The following SCHIP1 variants were observed in gnomAD, a reference collection of about 807,000 sequenced individuals.
SCHIP1 encodes schwannomin interacting protein 1.
SCHIP1 carries 8 observed loss-of-function variants against 29.7 expected under a neutral mutation model. The ratio of observed to expected loss-of-function variants is 0.27; its 90% confidence interval spans 0.16 to 0.49. The LOEUF is 0.49. SCHIP1 is among the 20% of genes least tolerant of loss of function. The probability of loss-of-function intolerance (pLI) is 0.99; values close to 1 mark genes in which losing one functional copy is unlikely to be tolerated. For missense variants in SCHIP1, 193 were observed against 294.6 expected, an observed-to-expected ratio of 0.66 and a Z score of 2.52; for synonymous variants, 76 against 94.9, an observed-to-expected ratio of 0.80 and a Z score of 1.16.
chr3:159,353,406 T>A, the SCHIP1 span, among the ~76,000 whole-genome samples: 23 of 152,144 alleles, frequency 1.5e-4, no homozygotes, highest in Non-Finnish European at 2.9e-5. Context: ...GTCTAAACCC[T>A]GAAAGTTTTC....
At chr3:159,772,895 C>G in the SCHIP1 span, among the ~76,000 whole-genome samples, 1 of 152,108 alleles carries the variant, frequency 6.6e-6, no homozygotes. Context: ...TGCCAGCCAC[C>G]ATGCCCGGCT....
At chr3:159,552,147 T>C in the SCHIP1 span, among the ~76,000 whole-genome samples, 1 of 149,458 alleles carries the variant, frequency 6.7e-6, no homozygotes, top group African/African-American at 2.5e-5. Flanking sequence ...CAAGAGATTC[T>C]CCTGCCTCAG....
chr3:159,631,232 T>C, the SCHIP1 span, among the ~76,000 whole-genome samples: 4 of 150,136 alleles, frequency 2.7e-5, no homozygotes, highest in Non-Finnish European at 5.9e-5. Context: ...CCCTCATGCA[T>C]TGCAGCTGGG....
the SCHIP1 span, among the ~76,000 whole-genome samples, chr3:159,740,627 T>TA: frequency 3.7e-4 from 56 of 151,916 alleles, no homozygotes; most frequent in African/African-American, 1.3e-3. Context: ...TTCCAAGAAT[T>TA]AAAAAAGCAA....
At chr3:159,406,311 C>A in the SCHIP1 span, among the ~76,000 whole-genome samples, 1 of 152,170 alleles carries the variant, frequency 6.6e-6, no homozygotes, top group Non-Finnish European at 1.5e-5. Context: ...GAGAAGGTGG[C>A]ATGACATATT....
At chr3:159,396,417 G>C in the SCHIP1 span, among the ~76,000 whole-genome samples, 1 of 135,234 alleles carries the variant, frequency 7.4e-6, no homozygotes, top group Non-Finnish European at 1.6e-5. Flanking sequence ...TCCTAGTCTC[G>C]ATGGTCTTTA....
the SCHIP1 span, among the ~76,000 whole-genome samples, chr3:159,475,244 A>C: frequency 6.6e-6 from 1 of 152,224 alleles, no homozygotes; most frequent in Admixed American, 6.6e-5. Flanking sequence ...ATTCAGCCAT[A>C]AAACAGGAAT....
the SCHIP1 span, among the ~76,000 whole-genome samples, chr3:159,642,468 G>T: frequency 6.6e-6 from 1 of 152,024 alleles, no homozygotes; most frequent in African/African-American, 2.4e-5. Flanking sequence ...ACATCCTCCT[G>T]TGGCTTCTCA....
chr3:159,495,248 T>G, the SCHIP1 span, among the ~76,000 whole-genome samples: 1 of 152,174 alleles, frequency 6.6e-6, no homozygotes, highest in Non-Finnish European at 1.5e-5. Context: ...TGCTGGAAGT[T>G]CTGGCCAGGG....
At chr3:159,465,942 G>A in the SCHIP1 span, among the ~76,000 whole-genome samples, 2 of 151,978 alleles carry the variant, frequency 1.3e-5, no homozygotes, top group Admixed American at 6.6e-5. Context: ...GTTTGAATAC[G>A]ATCCTACTGA....
At chr3:159,504,971 T>G in the SCHIP1 span, among the ~76,000 whole-genome samples, 1 of 152,074 alleles carries the variant, frequency 6.6e-6, no homozygotes, top group Non-Finnish European at 1.5e-5. Flanking sequence ...GAAGGAAGAT[T>G]CAAAGGCCAG....
the SCHIP1 span, among the ~76,000 whole-genome samples, chr3:159,610,297 G>A: frequency 6.6e-6 from 1 of 152,166 alleles, no homozygotes; most frequent in Non-Finnish European, 1.5e-5. Flanking sequence ...TTTCAGAGGT[G>A]GAACTGATAG....
chr3:159,303,375 A>G, the SCHIP1 span, among the ~76,000 whole-genome samples: 6 of 151,972 alleles, frequency 3.9e-5, no homozygotes, highest in Admixed American at 3.9e-4. Context: ...GAAAGGAGTA[A>G]GTTTTAGGGA....
the SCHIP1 span, among the ~76,000 whole-genome samples, chr3:159,526,141 CTT>C: frequency 6.6e-6 from 1 of 152,138 alleles, no homozygotes; most frequent in Non-Finnish European, 1.5e-5. Context: ...ACTTTTCTCT[CTT>C]TGATGTTTAC....
At chr3:159,610,509 G>C in the SCHIP1 span, among the ~76,000 whole-genome samples, 1 of 152,080 alleles carries the variant, frequency 6.6e-6, no homozygotes, top group African/African-American at 2.4e-5. Context: ...TGCCAAATGT[G>C]GTTCAAAGAC....
chr3:159,714,835 A>G, the SCHIP1 span, among the ~76,000 whole-genome samples: 1 of 152,238 alleles, frequency 6.6e-6, no homozygotes, highest in South Asian at 2.1e-4. Context: ...ATAGCTGAAC[A>G]AAAGGAGGCA....
chr3:159,584,134 A>G, the SCHIP1 span, among the ~76,000 whole-genome samples: 4 of 152,128 alleles, frequency 2.6e-5, no homozygotes, highest in Non-Finnish European at 4.4e-5. Context: ...TTGCCAGGTC[A>G]TTTTGGTTCT....
chr3:159,523,449 A>G, the SCHIP1 span, among the ~76,000 whole-genome samples: 5 of 152,216 alleles, frequency 3.3e-5, no homozygotes, highest in African/African-American at 4.8e-5. Context: ...TAAATTATTT[A>G]AACCGATTGG....
chr3:159,623,267 G>A, the SCHIP1 span, among the ~76,000 whole-genome samples: 20 of 152,300 alleles, frequency 1.3e-4, no homozygotes, highest in African/African-American at 4.8e-4. Context: ...TATTTTTAAA[G>A]TGGGGAGAAA....
Sources: allele counts gnomAD v4.1 joint callset (sites outside exome capture counted in the v4.1 genomes callset), GRCh38; gene constraint gnomAD v4.1.1; transcripts MANE v1.5; gene names NCBI Gene and HGNC (gene_info 2026-07-23, HGNC 2026-07-21).